Variants in EMSY observed in about 807,000 individuals in gnomAD.
The protein encoded by EMSY is EMSY transcriptional repressor, BRCA2 interacting.
Under a neutral mutation model 134.6 loss-of-function variants are expected in EMSY, and 26 were observed. The observed-to-expected ratio is 0.19, with a 90% CI of 0.14 to 0.27. EMSY has a LOEUF of 0.27. EMSY is among the 10% of genes least tolerant of loss of function. The pLI is 1.00. For missense variants in EMSY, 1,305 were observed against 1,611.4 expected (o/e 0.81, Z 3.26); for synonymous variants, 579 against 577.8 (o/e 1.00, Z -0.03).
intron 8 of EMSY, among the ~76,000 whole-genome samples, chr11:76,473,311 T>C (rs1948646104): frequency 6.6e-6 from 1 of 151,916 alleles, no homozygotes; most frequent in South Asian, 2.1e-4. Context: ...TCTTTTCTTT[T>C]TTTTTTTCTC....
chr11:76,447,003 A>G, exon 2 of EMSY: 2 of 1,613,484 alleles, frequency 1.2e-6, no homozygotes, highest in Non-Finnish European at 1.7e-6. Flanking sequence ...ATTCTTCGAA[A>G]ATTGGGTATG....
At chr11:76,496,903 G>A (rs1949679487) in intron 9 of EMSY, 3 of 294,594 alleles carry the variant, frequency 1.0e-5, no homozygotes, top group Admixed American at 5.1e-5. Flanking sequence ...TTATTTTATT[G>A]TCTAGAACTT....
At chr11:76,475,733 G>A (rs1425240765) in intron 8 of EMSY, among the ~76,000 whole-genome samples, 1 of 152,218 alleles carries the variant, frequency 6.6e-6, no homozygotes, top group East Asian at 1.9e-4. Flanking sequence ...AACACAGACT[G>A]CGTTTGTGAT....
chr11:76,463,629 C>CAAA (rs567081751), intron 6 of EMSY, among the ~76,000 whole-genome samples, 192 bp from the exon 8 acceptor site: 15 of 94,840 alleles, frequency 1.6e-4, no homozygotes, highest in South Asian at 1.1e-3. Context: ...GACTCCGTCT[C>CAAA]AAAAAAAAAA....
intron 8 of EMSY, among the ~76,000 whole-genome samples, chr11:76,491,843 G>C (rs1033801230): frequency 5.9e-5 from 9 of 152,200 alleles, no homozygotes; most frequent in Non-Finnish European, 1.2e-4. Context: ...CTACTCTTCT[G>C]CTTAGCTGCC....
intron 8 of EMSY, among the ~76,000 whole-genome samples, chr11:76,492,971 G>A (rs1221327235): frequency 6.6e-6 from 1 of 152,062 alleles, no homozygotes; most frequent in Non-Finnish European, 1.5e-5. Flanking sequence ...CCAACAGACT[G>A]GGGAAAACCT....
At chr11:76,468,327 A>C (rs1482387267) in intron 7 of EMSY, among the ~76,000 whole-genome samples, 6 of 152,176 alleles carry the variant, frequency 3.9e-5, no homozygotes, top group Non-Finnish European at 8.8e-5. Flanking sequence ...GTTAAAAAAA[A>C]CAAATGTTTA....
rs145873778 is a variant in EMSY, at chr11:76,528,183, A to G, written c.1996-85A>G. The G allele has an allele frequency of 2.4e-5, 29 of 1,211,606 alleles. No homozygotes were observed. In the African/African-American group the frequency reaches 4.0e-4, roughly 17 times the overall value. The allele number at this position is 1,211,606 out of a possible 1,614,324, so 75.1% of individuals were successfully genotyped here. On this transcript the variant is annotated intron_variant, in intron 13 of 20. Transcript: ENST00000334736. ...GTACAGAATAGTTTCCATACCAGGA[A>G]AATATTAGTTTATGACCTAGAAGTT... is the stretch of plus-strand genomic sequence containing the variant.
intron 11 of EMSY, among the ~76,000 whole-genome samples, chr11:76,518,705 T>TA (rs1406438858): frequency 0.044 from 3,582 of 80,668 alleles, 46 homozygotes; most frequent in Middle Eastern, 0.07. Context: ...ATATATATAT[T>TA]TTTTTTTTAA....
At chr11:76,503,242 A>G (rs931615429) in intron 9 of EMSY, among the ~76,000 whole-genome samples, 4 of 141,218 alleles carry the variant, frequency 2.8e-5, no homozygotes, top group Non-Finnish European at 4.5e-5. Context: ...CGGAGGTTGC[A>G]GTGAGCTGAG....
At chr11:76,530,045 G>A (rs929221765) in intron 14 of EMSY, among the ~76,000 whole-genome samples, 2 of 151,516 alleles carry the variant, frequency 1.3e-5, no homozygotes, top group African/African-American at 2.4e-5. Context: ...GTAGAAGTCT[G>A]TATATACATA....
chr11:76,538,298 C>G (rs559931627), intron 16 of EMSY, among the ~76,000 whole-genome samples: 1 of 152,136 alleles, frequency 6.6e-6, no homozygotes, highest in African/African-American at 2.4e-5. Flanking sequence ...TCACGCCCAT[C>G]GCTCAGGCTG....
chr11:76,453,362 T>C lies in EMSY; in HGVS notation c.219T>C (p.Asp73=), dbSNP rs773423065. 3.7e-6 allele frequency: 6 copies of C among 1,612,960 alleles called. 1 individual carries two copies. In the Admixed American group the frequency reaches 6.7e-5, roughly 18 times the overall value. Residue 73 remains aspartate (D), a synonymous_variant, in exon 4 of 21, where the codon GAT becomes GAC. Transcript: ENST00000334736. ...CTGAAGTTCGGAGAGCAGTAAACGATGAACGGTTAACAACAATTGCACATA... is the reference window on the plus strand; with the variant it reads ...CTGAAGTTCGGAGAGCAGTAAACGACGAACGGTTAACAACAATTGCACATA...
At chr11:76,486,061 C>G (rs1949165887) in intron 8 of EMSY, among the ~76,000 whole-genome samples, 1 of 152,224 alleles carries the variant, frequency 6.6e-6, no homozygotes, top group Non-Finnish European at 1.5e-5. Flanking sequence ...CCATGGAATA[C>G]TACGCAGCCA....
rs553454202 is a variant in EMSY at position 76,492,824 on chromosome 11, G to A, written c.1109-3391G>A. On this transcript the variant is annotated intron_variant, in intron 8 of 20. Coordinates refer to ENST00000334736, the Ensembl canonical transcript of EMSY. ...TGGGATAAAGTGGGCTTCCATGAGT[G>A]TGAGCTACCTAGCACACACTCAGGT... Among the ~76,000 whole-genome samples the A allele has an allele frequency of 2.6e-5, 4 of 152,304 alleles. 1 individual carries two copies. The highest frequency in any genetic ancestry group is 7.2e-5 in the African/African-American group (3 of 41,582).
chr11:76,503,300 C>CAAAAA (rs61098325), intron 9 of EMSY, among the ~76,000 whole-genome samples: 20 of 70,710 alleles, frequency 2.8e-4, no homozygotes, highest in African/African-American at 3.4e-4. Flanking sequence ...GGCGTGGTCT[C>CAAAAA]AAAAAAAAAA....
chr11:76,540,563 C>T (rs1951400077), intron 17 of EMSY, among the ~76,000 whole-genome samples: 1 of 152,128 alleles, frequency 6.6e-6, no homozygotes, highest in Non-Finnish European at 1.5e-5. Flanking sequence ...TGTATAGCAA[C>T]AATAGAAACA....
chr11:76,551,253 A>C (rs1023550856), exon 21 of EMSY: 1 of 150,916 alleles, frequency 6.6e-6, no homozygotes, highest in Non-Finnish European at 1.5e-5. Flanking sequence ...GAAAGGGGTA[A>C]GGGGGTGGGA....
At chr11:76,478,923 G>A (rs1032865555) in intron 8 of EMSY, among the ~76,000 whole-genome samples, 2 of 151,704 alleles carry the variant, frequency 1.3e-5, no homozygotes, top group East Asian at 3.9e-4. Flanking sequence ...GAATTTAATT[G>A]AGCCTTCCAT....
Sources: allele counts gnomAD v4.1 joint callset (sites outside exome capture counted in the v4.1 genomes callset), GRCh38; gene constraint gnomAD v4.1.1; transcripts MANE v1.5; gene names NCBI Gene and HGNC (gene_info 2026-07-23, HGNC 2026-07-21).